CACNA1D: variants seen among roughly 807,000 people sequenced by gnomAD.
CACNA1D encodes the protein voltage-dependent L-type calcium channel subunit alpha-1D.
In CACNA1D, 55 loss-of-function variants were observed where a neutral mutation model predicts 257.1. That is an observed-to-expected ratio of 0.21 (90% CI 0.17 to 0.27). The LOEUF (loss-of-function observed/expected upper bound fraction) is 0.27. CACNA1D is among the 10% of genes least tolerant of loss of function. The pLI is 1.00. For missense variants in CACNA1D, 1,876 were observed against 2,784.0 expected (o/e 0.67, Z 7.34); for synonymous variants, 980 against 1,014.9 (o/e 0.97, Z 0.65).
At chr3:53,576,779 C>T (rs1299415126) in intron 3 of CACNA1D, among the ~76,000 whole-genome samples, 1 of 152,190 alleles carries the variant, frequency 6.6e-6, no homozygotes, top group Non-Finnish European at 1.5e-5. Context: ...GGATTTACCC[C>T]ATATCCCCAC....
chr3:53,704,849 C>T (rs534274908), intron 9 of CACNA1D, among the ~76,000 whole-genome samples: 2 of 152,350 alleles, frequency 1.3e-5, no homozygotes, highest in Admixed American at 6.5e-5. Context: ...GGCCAGTGGC[C>T]TTTCCTCTGT....
At chr3:53,766,555 G>T (rs111444047) in intron 30 of CACNA1D, among the ~76,000 whole-genome samples, 376 of 152,344 alleles carry the variant, frequency 2.5e-3, no homozygotes, top group Non-Finnish European at 4.2e-3. Context: ...TGATTTCATT[G>T]ATTTCACTTG....
rs1220095762 is a variant in CACNA1D, at chr3:53,499,892, T to G, written c.378-1723T>G. On this transcript the variant is annotated intron_variant, in intron 2 of 47. Coordinates refer to ENST00000350061, the MANE Select transcript of CACNA1D (RefSeq NM_001128840.3). ...GAAAAATGGAAAGGGAATTCTGAAG[T>G]CTTAAGGTGGGCTATCTGAAAGTTG... 3.3e-5 allele frequency among the ~76,000 whole-genome samples: 5 copies of G among 152,128 alleles called. No individual in the cohort carries two copies. The East Asian group carries it at 9.6e-4, about 29-fold the overall frequency.
chr3:53,575,142 A>C (rs1236370808), intron 3 of CACNA1D, among the ~76,000 whole-genome samples: 3 of 152,194 alleles, frequency 2.0e-5, no homozygotes, highest in African/African-American at 4.8e-5. Context: ...AGGAGCTTAT[A>C]GGACAGTGCT....
At chr3:53,631,266 T>C (rs2093820227) in intron 3 of CACNA1D, among the ~76,000 whole-genome samples, 1 of 152,228 alleles carries the variant, frequency 6.6e-6, no homozygotes, top group African/African-American at 2.4e-5. Flanking sequence ...ATCAACTATG[T>C]TTATGTGATA....
intron 3 of CACNA1D, among the ~76,000 whole-genome samples, chr3:53,574,539 C>T (rs1056454422): frequency 2.6e-5 from 4 of 152,172 alleles, no homozygotes; most frequent in African/African-American, 7.2e-5. Context: ...AAGGCGGGGG[C>T]TTGTTTTCAG....
At chr3:53,598,588 GA>G (rs5848998) in intron 3 of CACNA1D, among the ~76,000 whole-genome samples, 158 of 116,354 alleles carry the variant, frequency 1.4e-3, no homozygotes, top group East Asian at 5.9e-3. Flanking sequence ...CTCATCTCCA[GA>G]AAAAAAAAAA....
intron 28 of CACNA1D, among the ~76,000 whole-genome samples, chr3:53,752,507 C>A (rs2095234508): frequency 6.6e-6 from 1 of 152,206 alleles, no homozygotes; most frequent in Non-Finnish European, 1.5e-5. Context: ...TCAAGTGATT[C>A]TCATGCCTCA....
intron 8 of CACNA1D, among the ~76,000 whole-genome samples, chr3:53,689,649 T>C (rs2094502681): frequency 6.6e-6 from 1 of 152,132 alleles, no homozygotes; most frequent in South Asian, 2.1e-4. Flanking sequence ...TTTTTCTTTT[T>C]TCTTTTCTTT....
intron 3 of CACNA1D, among the ~76,000 whole-genome samples, chr3:53,551,110 A>G (rs1194498989): frequency 6.6e-6 from 1 of 152,250 alleles, no homozygotes; most frequent in African/African-American, 2.4e-5. Flanking sequence ...CTGGTTTTTA[A>G]TTAGATGACT....
intron 9 of CACNA1D, among the ~76,000 whole-genome samples, chr3:53,708,129 T>C (rs577637286): frequency 6.6e-6 from 1 of 152,368 alleles, no homozygotes; most frequent in South Asian, 2.1e-4. Flanking sequence ...CTTACTGCAA[T>C]GTTTGCTTTG....
intron 3 of CACNA1D, among the ~76,000 whole-genome samples, chr3:53,524,975 C>T (rs3774426): frequency 0.3 from 46,347 of 152,074 alleles, 7,836 homozygotes; most frequent in Non-Finnish European, 0.39. Flanking sequence ...GGGAGAGGCT[C>T]GGGAGAGTGG....
chr3:53,538,205 T>C lies in CACNA1D; in HGVS notation c.483+36485T>C, dbSNP rs536870395. ...TTCTATCTCCCAGGCTGGAGTGCAG[T>C]GGGGTGATCTTGGCTCACTGCAACC... On this transcript the variant is annotated intron_variant, in intron 3 of 47. Transcript: ENST00000350061. Among the ~76,000 whole-genome samples the C allele has an allele frequency of 9.8e-5, 14 of 142,596 alleles. No homozygotes were observed. The East Asian group carries it at 3.0e-3, about 31-fold the overall frequency. 93.5% of individuals were successfully genotyped at this position (142,596 alleles called of 152,430 possible). A position where few individuals can be genotyped will look rare whatever the true frequency, so the allele number is the denominator to read the frequency against.
intron 3 of CACNA1D, among the ~76,000 whole-genome samples, chr3:53,541,954 T>C (rs535829899): frequency 2.0e-5 from 3 of 152,286 alleles, no homozygotes; most frequent in South Asian, 2.1e-4. Context: ...GGGAACTCTA[T>C]AGAGGCAGAA....
chr3:53,528,978 C>A (rs1246374286), intron 3 of CACNA1D, among the ~76,000 whole-genome samples: 1 of 152,080 alleles, frequency 6.6e-6, no homozygotes, highest in African/African-American at 2.4e-5. Flanking sequence ...CATTCTAATA[C>A]TTATTTATGT....
At chr3:53,694,255 T>C (rs1190232457) in intron 8 of CACNA1D, among the ~76,000 whole-genome samples, 3 of 152,214 alleles carry the variant, frequency 2.0e-5, no homozygotes, top group African/African-American at 2.4e-5. Context: ...AGATGGAGGC[T>C]GGCTGGGTCT....
chr3:53,520,882 CTTTCTTTCTTTCTTTTCTTTTCT>C (rs1358146616), intron 3 of CACNA1D, among the ~76,000 whole-genome samples: 148 of 86,754 alleles, frequency 1.7e-3, no homozygotes, highest in Middle Eastern at 4.9e-3. Context: ...TTCTTTCTTT[CTTTCTTTCTTTCTTTTCTTTTCT>C]TTTCTTTTCT....
chr3:53,563,131 C>G (rs1264422303), intron 3 of CACNA1D, among the ~76,000 whole-genome samples: 1 of 151,990 alleles, frequency 6.6e-6, no homozygotes, highest in African/African-American at 2.4e-5. Context: ...ATGTGTGGAC[C>G]CTCACTACCT....
chr3:53,553,457 T>TGGTG (rs2092576078), intron 3 of CACNA1D, among the ~76,000 whole-genome samples: 2 of 152,344 alleles, frequency 1.3e-5, no homozygotes, highest in South Asian at 4.1e-4. Context: ...CATTTGCTGG[T>TGGTG]GGTGGCAGGG....
Sources: allele counts gnomAD v4.1 joint callset (sites outside exome capture counted in the v4.1 genomes callset), GRCh38; gene constraint gnomAD v4.1.1; transcripts MANE v1.5; gene names NCBI Gene and HGNC (gene_info 2026-07-23, HGNC 2026-07-21).